The following TTC29 variants were observed in gnomAD, a reference collection of about 807,000 sequenced individuals.
TTC29 encodes tetratricopeptide repeat protein 29.
In TTC29, 49 loss-of-function variants were observed where a neutral mutation model predicts 58.1. The observed-to-expected ratio is 0.84, with a 90% CI of 0.67 to 1.07. TTC29 has a LOEUF of 1.07. TTC29 is among the 50% of genes least tolerant of loss of function. TTC29 has a pLI of 0.00. For synonymous variants in TTC29, 209 were observed against 196.8 expected (o/e 1.06, Z -0.52); for missense variants, 582 against 555.6 (o/e 1.05, Z -0.48).
intron 4 of TTC29, among the ~76,000 whole-genome samples, chr4:146,916,064 G>A (rs1734199753): frequency 6.6e-6 from 1 of 151,796 alleles, no homozygotes; most frequent in African/African-American, 2.4e-5. Flanking sequence ...TCACCTACGG[G>A]ATAATTACAT....
chr4:146,890,875 A>G (rs1732313377), intron 6 of TTC29, among the ~76,000 whole-genome samples: 2 of 152,060 alleles, frequency 1.3e-5, no homozygotes, highest in Admixed American at 1.3e-4. Flanking sequence ...TTTAATGCCA[A>G]TGGGAGCAGA....
intron 11 of TTC29, among the ~76,000 whole-genome samples, chr4:146,741,111 T>C (rs1437136248): frequency 6.6e-6 from 1 of 152,160 alleles, no homozygotes; most frequent in Non-Finnish European, 1.5e-5. Context: ...GAACCTTACT[T>C]TGCCTTAGAA....
chr4:146,935,324 A>C (rs1337990842), intron 4 of TTC29, among the ~76,000 whole-genome samples: 6 of 152,210 alleles, frequency 3.9e-5, no homozygotes, highest in Admixed American at 3.3e-4. Context: ...TATCAAAGCC[A>C]GTGTACATCA....
intron 7 of TTC29, among the ~76,000 whole-genome samples, chr4:146,870,227 G>C (rs971133658): frequency 3.3e-5 from 5 of 151,914 alleles, no homozygotes; most frequent in Admixed American, 2.0e-4. Context: ...AAACTTGCAC[G>C]TATGTGGAAA....
intron 11 of TTC29, among the ~76,000 whole-genome samples, chr4:146,742,890 A>T (rs1267647111): frequency 6.6e-6 from 1 of 152,104 alleles, no homozygotes; most frequent in African/African-American, 2.4e-5. Context: ...TTAAAATAAT[A>T]TAATCTGCTT....
At chr4:146,906,346 T>G (rs1215143498) in intron 5 of TTC29, among the ~76,000 whole-genome samples, 3 of 152,194 alleles carry the variant, frequency 2.0e-5, no homozygotes, top group Non-Finnish European at 4.4e-5. Flanking sequence ...CTGAGATGAC[T>G]ATTGTTAATG....
chr4:146,823,762 T>C (rs1751996849), intron 9 of TTC29, among the ~76,000 whole-genome samples: 2 of 152,068 alleles, frequency 1.3e-5, no homozygotes, highest in Admixed American at 1.3e-4. Flanking sequence ...TTGTTTGTTT[T>C]CTCTCTTATT....
chr4:146,822,872 T>C (rs1322398995), intron 9 of TTC29, among the ~76,000 whole-genome samples: 26 of 152,180 alleles, frequency 1.7e-4, no homozygotes, highest in Admixed American at 1.7e-3. Context: ...TGAGCTTTTT[T>C]TCATGTTTGT....
chr4:146,899,976 A>G (rs1025564643), intron 6 of TTC29, among the ~76,000 whole-genome samples: 12 of 152,314 alleles, frequency 7.9e-5, no homozygotes, highest in African/African-American at 2.4e-4. Context: ...TGTCTGGACC[A>G]ATCAGATCAG....
chr4:146,925,269 T>C (rs549920876), intron 4 of TTC29, among the ~76,000 whole-genome samples: 7 of 152,198 alleles, frequency 4.6e-5, no homozygotes, highest in African/African-American at 1.7e-4. Context: ...CTGGTTTTTC[T>C]ACCAGCTATT....
chr4:146,799,562 G>T (rs1408714446), intron 11 of TTC29, among the ~76,000 whole-genome samples: 1 of 152,112 alleles, frequency 6.6e-6, no homozygotes, highest in Non-Finnish European at 1.5e-5. Flanking sequence ...AAACTACGAT[G>T]ATATCGTTGC....
intron 8 of TTC29, among the ~76,000 whole-genome samples, chr4:146,860,926 G>A (rs902773925): frequency 2.0e-5 from 3 of 152,130 alleles, no homozygotes; most frequent in Non-Finnish European, 2.9e-5. Context: ...CATAGAGATG[G>A]CTACTGCTTT....
At chr4:146,824,309 GA>G (rs1288020365) in intron 9 of TTC29, among the ~76,000 whole-genome samples, 2 of 152,198 alleles carry the variant, frequency 1.3e-5, no homozygotes, top group Admixed American at 1.3e-4. Context: ...TTTTTAACAT[GA>G]AGGGGTGTTG....
chr4:146,878,691 T>A (rs1285727613), intron 6 of TTC29, among the ~76,000 whole-genome samples: 1 of 152,182 alleles, frequency 6.6e-6, no homozygotes, highest in Non-Finnish European at 1.5e-5. Context: ...TTAAAAATAA[T>A]GATCAAATTT....
At chr4:146,723,299 A>T (rs1743512240) in intron 11 of TTC29, among the ~76,000 whole-genome samples, 1 of 152,106 alleles carries the variant, frequency 6.6e-6, no homozygotes, top group African/African-American at 2.4e-5. Context: ...CTAGAAGAAA[A>T]CAGGAAACAC....
rs569912341 is a variant in TTC29, at chr4:146,844,308, T to C, written c.886-10411A>G. Among the ~76,000 whole-genome samples, 149 of 152,312 alleles carry C rather than the reference T, an allele frequency of 9.8e-4. 1 individual carries two copies. The highest frequency in any genetic ancestry group is 3.4e-3 in the African/African-American group (142 of 41,582). ...AGTTAGAAATAAAAGTTTTCCTCAA[T>C]AGTAAATTGGAACATACAGCTCAAA... On this transcript the variant is annotated intron_variant, in intron 8 of 12. Transcript: ENST00000325106.
chr4:146,749,920 C>T (rs1462242378), intron 11 of TTC29, among the ~76,000 whole-genome samples: 2 of 152,128 alleles, frequency 1.3e-5, no homozygotes, highest in Non-Finnish European at 2.9e-5. Flanking sequence ...AACTGCCAGC[C>T]AAGAATACTG....
chr4:146,907,160 T>A (rs1733575917), intron 5 of TTC29, among the ~76,000 whole-genome samples: 1 of 152,204 alleles, frequency 6.6e-6, no homozygotes, highest in African/African-American at 2.4e-5. Context: ...AACTTTTGGA[T>A]TGGAGAAACA....
chr4:146,847,960 G>C (rs185370683), intron 8 of TTC29, among the ~76,000 whole-genome samples: 1 of 152,182 alleles, frequency 6.6e-6, no homozygotes, highest in African/African-American at 2.4e-5. Context: ...CAGGTACTGC[G>C]TTTAACAGTG....
Sources: gnomAD v4.1 joint callset for allele counts (sites outside exome capture counted in the v4.1 genomes callset) on GRCh38, gnomAD v4.1.1 for gene constraint, MANE v1.5 for transcripts, NCBI Gene and HGNC (gene_info 2026-07-23, HGNC 2026-07-21) for gene names.